The following ZNF454 variants were observed in gnomAD, a reference collection of about 807,000 sequenced individuals.
The protein encoded by ZNF454 is zinc finger protein 454.
In ZNF454, 30 loss-of-function variants were observed where a neutral mutation model predicts 48.2. That is an observed-to-expected ratio of 0.62 (90% confidence interval 0.47 to 0.84). ZNF454 has a LOEUF of 0.84. ZNF454 is among the 40% of genes least tolerant of loss of function. The probability of loss-of-function intolerance (pLI) is 0.00; values close to 1 mark genes in which losing one functional copy is unlikely to be tolerated. For synonymous variants in ZNF454, 204 were observed against 211.4 expected (o/e 0.97, Z 0.30); for missense variants, 510 against 623.1 (o/e 0.82, Z 1.93).
Position 178,964,801 on chromosome 5 carries a change from C to T in ZNF454, c.397C>T (p.Gln133Ter), listed in dbSNP as rs759005394. 4 of 1,614,076 alleles carry T rather than the reference C, an allele frequency of 2.5e-6. No homozygotes were observed. The Admixed American group carries it at 5.0e-5, about 20-fold the overall frequency. Residue 133 changes from glutamine to a stop codon, truncating the protein, a stop_gained, in exon 5 of 5, where the codon CAG (glutamine) becomes TAG (stop). Coordinates refer to ENST00000519564, the MANE Select transcript of ZNF454 (RefSeq NM_001178089.3). LOFTEE classifies it high-confidence loss of function. ...CCTGCTGGAGTGGCAATGTGGAGGC[C>T]AGGAGATCAGTTTGCAGCGAGTGGT... is the stretch of plus-strand genomic sequence containing the variant. ...ASLLEWQCGG[Q>*]EISLQRVVLT...
chr5:178,989,214 C>CA, the ZNF454 span: 3 of 1,198,212 alleles, frequency 2.5e-6, no homozygotes, highest in Non-Finnish European at 3.6e-6. Context: ...CCTCCCCACC[C>CA]TCACCACCCT....
chr5:178,984,181 A>G, the ZNF454 span, among the ~76,000 whole-genome samples: 4,203 of 150,962 alleles, frequency 0.028, 85 homozygotes, highest in South Asian at 0.075. Context: ...TCCAGGTGGA[A>G]AAAAAAAAAG....
downstream of ZNF454, among the ~76,000 whole-genome samples, chr5:178,968,403 T>C (rs1760197749): frequency 1.3e-5 from 2 of 152,162 alleles, no homozygotes; most frequent in African/African-American, 2.4e-5. Context: ...GGTTGCAACA[T>C]AGACTTGGAA....
the ZNF454 span, among the ~76,000 whole-genome samples, chr5:178,977,093 C>T: frequency 6.1e-4 from 93 of 152,024 alleles, no homozygotes; most frequent in South Asian, 1.7e-3. Flanking sequence ...TGCCATGGAA[C>T]GGTGATTTTT....
At chr5:178,982,003 G>A in the ZNF454 span, 3 of 731,856 alleles carry the variant, frequency 4.1e-6, no homozygotes, top group African/African-American at 5.1e-5. Flanking sequence ...GTATGAGCAG[G>A]GGCCCCGCGC....
intron 4 of ZNF454, among the ~76,000 whole-genome samples, chr5:178,957,235 G>T (rs866697515): frequency 3.9e-5 from 6 of 152,030 alleles, no homozygotes; most frequent in Non-Finnish European, 5.9e-5. Flanking sequence ...AAATTGATGG[G>T]ACCAATTCTT....
At chr5:178,942,014 A>G (rs1759111302) in intron 1 of ZNF454, among the ~76,000 whole-genome samples, 1 of 152,212 alleles carries the variant, frequency 6.6e-6, no homozygotes, top group Admixed American at 6.5e-5. Flanking sequence ...CTTCCAATCC[A>G]GTCGAACCCA....
chr5:178,967,240 C>G (rs1424837643), downstream of ZNF454, among the ~76,000 whole-genome samples: 3 of 152,154 alleles, frequency 2.0e-5, no homozygotes, highest in Admixed American at 6.5e-5. Flanking sequence ...CACCCACTTA[C>G]GTTGTACTAT....
intron 4 of ZNF454, among the ~76,000 whole-genome samples, chr5:178,953,386 T>G (rs527839213): frequency 2.6e-5 from 4 of 152,162 alleles, no homozygotes; most frequent in Non-Finnish European, 5.9e-5. Context: ...TTTATATTGA[T>G]CATTAATTTG....
At chr5:178,989,550 CTAGGAGTGGCCAGGTGAGT>C in the ZNF454 span, 1 of 1,036,256 alleles carries the variant, frequency 9.7e-7, no homozygotes, top group Non-Finnish European at 1.5e-6. Context: ...GCCAGGTGAG[CTAGGAGTGGCCAGGTGAGT>C]TAGGCGTGGC....
At chr5:178,985,657 A>G in the ZNF454 span, 1,013 of 390,454 alleles carry the variant, frequency 2.6e-3, 17 homozygotes, top group Admixed American at 0.015. Flanking sequence ...GAGCTGAGAT[A>G]GTGCCACTGC....
chr5:178,964,441 G>A (rs1202162052), intron 4 of ZNF454, among the ~76,000 whole-genome samples: 2 of 152,120 alleles, frequency 1.3e-5, no homozygotes, highest in Non-Finnish European at 2.9e-5. Context: ...CTAAGATCAT[G>A]CTTCCAAGCT....
chr5:178,988,876 A>G, the ZNF454 span: 1 of 1,436,774 alleles, frequency 7.0e-7, no homozygotes, highest in Non-Finnish European at 9.7e-7. This position sits in a 1 kb window ranked among gnomAD's most constrained non-coding sequence, Gnocchi z 6.0. Context: ...CAGGCCTCAC[A>G]GCAAAATCCA....
rs973570062 is a variant in ZNF454 at position 178,944,144 on chromosome 5, C to T, written c.33+1320C>T. On this transcript the variant is annotated intron_variant, in intron 2 of 4. Transcript: ENST00000519564. This position sits in a 1 kb window ranked among gnomAD's most constrained non-coding sequence, Gnocchi z 4.1. The stretch of plus-strand genomic sequence containing the variant: ...TCTAATTCCTTCACATTTAAACCTC[C>T]CCAAGGACTGGGATGTGTGGCAGGA... Among the ~76,000 whole-genome samples, 2 of 152,196 alleles carry T rather than the reference C, an allele frequency of 1.3e-5. No homozygotes were observed. Among genetic ancestry groups the T allele is most frequent in the South Asian group, 4.1e-4 (2 of 4,834 alleles).
At chr5:178,971,957 G>A in the ZNF454 span, among the ~76,000 whole-genome samples, 2 of 151,950 alleles carry the variant, frequency 1.3e-5, no homozygotes, top group African/African-American at 2.4e-5. Context: ...TTTTTGAGAT[G>A]GAGTCTCACT....
At chr5:178,957,534 C>T (rs1035219905) in intron 4 of ZNF454, among the ~76,000 whole-genome samples, 19 of 152,136 alleles carry the variant, frequency 1.2e-4, no homozygotes, top group Admixed American at 1.2e-3. Flanking sequence ...CTCAGCCTCC[C>T]GAGTAGCTGG....
rs1190175767 is a variant in ZNF454, at chr5:178,941,724, G to C, written c.-108+280G>C. ...CCTGGCGAAGCGGCAGGGGCGGGAC[G>C]GGGCTGTGTGTGATTAGGGTTCCTA... is the stretch of plus-strand genomic sequence containing the variant. On this transcript the variant is annotated intron_variant, in intron 1 of 4. Transcript: ENST00000519564. The surrounding 1 kb of genome is among the most constrained non-coding windows in gnomAD (Gnocchi z 5.5). 6.6e-6 allele frequency among the ~76,000 whole-genome samples: 1 copy of C among 152,162 alleles called. No homozygotes were observed. The highest frequency in any genetic ancestry group is 1.9e-4 in the East Asian group (1 of 5,166).
the ZNF454 span, among the ~76,000 whole-genome samples, chr5:178,971,488 G>C: frequency 2.0e-5 from 3 of 152,212 alleles, no homozygotes; most frequent in Admixed American, 2.0e-4. Context: ...TGAGAGAGGA[G>C]GCCTGGCTCT....
At chr5:178,950,327 T>A (rs1759501720) in intron 4 of ZNF454, among the ~76,000 whole-genome samples, 1 of 152,176 alleles carries the variant, frequency 6.6e-6, no homozygotes, top group Non-Finnish European at 1.5e-5. Context: ...TGGGGGGATT[T>A]GTGTTGGCTG....
Sources: gnomAD v4.1 joint callset for allele counts (sites outside exome capture counted in the v4.1 genomes callset) on GRCh38, gnomAD v4.1.1 for gene constraint, Gnocchi (gnomAD v3.1) non-coding constraint, MANE v1.5 for transcripts, NCBI Gene and HGNC (gene_info 2026-07-23, HGNC 2026-07-21) for gene names.